GRIN2B: variants seen among roughly 807,000 people sequenced by gnomAD.
GRIN2B encodes the protein glutamate ionotropic receptor NMDA type subunit 2B.
A neutral mutation model predicts 114.5 loss-of-function variants in GRIN2B; 5 were observed. The observed-to-expected ratio is 0.04, with a 90% CI of 0.02 to 0.09. The LOEUF is 0.09. GRIN2B is among the 10% of genes least tolerant of loss of function. The probability of loss-of-function intolerance (pLI) is 1.00; values close to 1 mark genes in which losing one functional copy is unlikely to be tolerated. For synonymous variants in GRIN2B, 787 were observed against 745.1 expected, an observed-to-expected ratio of 1.06 and a Z score of -0.92; for missense variants, 1,108 against 1,943.5, an observed-to-expected ratio of 0.57 and a Z score of 8.08.
Position 13,548,603 on chromosome 12 carries a change from C to T in GRIN2B, c.*14180G>A, listed in dbSNP as rs1008971724. 1.3e-5 allele frequency: 2 copies of T among 151,844 alleles called. No homozygotes were observed. The highest frequency in any genetic ancestry group is 4.8e-5 in the African/African-American group (2 of 41,318). 9.4% of individuals were successfully genotyped at this position (151,844 alleles called of 1,614,324 possible). On this transcript the variant is annotated 3_prime_UTR_variant, in exon 14 of 14. Coordinates refer to ENST00000609686, the MANE Select transcript of GRIN2B (RefSeq NM_000834.5). Reference sequence around the variant, plus strand: ...CCTGTTTTTCAGGATCATCATGATCCAGGTATCTGTAATGACACTCATGAA... The same window carrying T: ...CCTGTTTTTCAGGATCATCATGATCTAGGTATCTGTAATGACACTCATGAA...
chr12:13,829,030 G>A (rs1865102326), intron 3 of GRIN2B, among the ~76,000 whole-genome samples: 1 of 152,028 alleles, frequency 6.6e-6, no homozygotes, highest in Admixed American at 6.6e-5. Context: ...CCATACTGGA[G>A]CCCTTCACCT....
chr12:13,573,571 C>CTTATTCTAT (rs1948734095), intron 10 of GRIN2B, among the ~76,000 whole-genome samples: 1 of 125,572 alleles, frequency 8.0e-6, no homozygotes, highest in Non-Finnish European at 1.8e-5. Context: ...CTCTAAGCTT[C>CTTATTCTAT]TTATTCTATT....
At chr12:13,675,932 A>G in intron 4 of GRIN2B, 73 bp from the exon 5 acceptor site, 1 of 845,674 alleles carries the variant, frequency 1.2e-6, no homozygotes, top group South Asian at 1.4e-5. Flanking sequence ...TCAGGTATAT[A>G]GAGAGAAAGC....
At chr12:13,665,917 C>T in intron 5 of GRIN2B, among the ~76,000 whole-genome samples, 1 of 152,096 alleles carries the variant, frequency 6.6e-6, no homozygotes, top group East Asian at 1.9e-4. Flanking sequence ...TGAATTTTAC[C>T]TCAAAGGGAA....
chr12:13,897,002 C>T (rs2136783175), intron 2 of GRIN2B, among the ~76,000 whole-genome samples: 1 of 152,198 alleles, frequency 6.6e-6, no homozygotes, highest in South Asian at 2.1e-4. Flanking sequence ...ATAATAGATA[C>T]TAGTTATGAT....
At chr12:13,726,876 C>A (rs138357047) in intron 4 of GRIN2B, among the ~76,000 whole-genome samples, 1 of 152,100 alleles carries the variant, frequency 6.6e-6, no homozygotes, top group East Asian at 1.9e-4. Context: ...CCTTTGCATC[C>A]TCATAGCTTA....
intron 3 of GRIN2B, among the ~76,000 whole-genome samples, chr12:13,769,240 C>G (rs1025842249): frequency 1.3e-5 from 2 of 152,070 alleles, no homozygotes; most frequent in African/African-American, 2.4e-5. Flanking sequence ...TGGCCTGAGA[C>G]AGGGGACAGA....
In GRIN2B at chr12:13,566,926, TG is replaced by T; in HGVS notation, c.2598+98del. The T allele has an allele frequency of 1.8e-5, 15 of 838,516 alleles. 1 individual carries two copies. In the Middle Eastern group the frequency reaches 2.5e-3, roughly 142 times the overall value. 51.9% of individuals were successfully genotyped at this position (838,516 alleles called of 1,614,324 possible). Reference sequence around the variant, plus strand: ...GATGTGGTTTCTTGCTTGAGCAACATGGGGGTGGAGATAGTGTCCTCTTGGT... The same window carrying T: ...GATGTGGTTTCTTGCTTGAGCAACATGGGGTGGAGATAGTGTCCTCTTGGT... On this transcript the variant is annotated intron_variant, in intron 13 of 13. Transcript: ENST00000609686.
At chr12:13,834,829 T>C (rs1264583257) in intron 3 of GRIN2B, among the ~76,000 whole-genome samples, 1 of 152,218 alleles carries the variant, frequency 6.6e-6, no homozygotes, top group Non-Finnish European at 1.5e-5. Context: ...TAGAGTCAAC[T>C]GGAGAGCATT....
intron 3 of GRIN2B, among the ~76,000 whole-genome samples, chr12:13,828,833 AT>A (rs1370932406): frequency 6.6e-6 from 1 of 152,220 alleles, no homozygotes; most frequent in Non-Finnish European, 1.5e-5. Context: ...ATCAGATCAT[AT>A]AGTTCCTGCT....
At chr12:13,892,642 G>A (rs1282081133) in intron 2 of GRIN2B, among the ~76,000 whole-genome samples, 1 of 152,202 alleles carries the variant, frequency 6.6e-6, no homozygotes, top group Non-Finnish European at 1.5e-5. Context: ...AGGTGAGGCA[G>A]AGACTGCCAC....
intron 4 of GRIN2B, among the ~76,000 whole-genome samples, chr12:13,709,406 A>T (rs1295021190): frequency 6.6e-6 from 1 of 152,050 alleles, no homozygotes; most frequent in Non-Finnish European, 1.5e-5. Flanking sequence ...TTATAAAAAT[A>T]CTCAAACAAG....
intron 2 of GRIN2B, among the ~76,000 whole-genome samples, chr12:13,971,424 A>G (rs1437469582): frequency 6.6e-6 from 1 of 152,196 alleles, no homozygotes; most frequent in African/African-American, 2.4e-5. Flanking sequence ...CTATTAACCC[A>G]GCCAGCCTAA....
At position 13,753,816 on chromosome 12, in the gene GRIN2B, T is replaced by C. The variant is rs1863532141; in HGVS notation, c.511A>G (p.Ile171Val). ...TAGCCAGGGAAATAGGTGGTGACGA[T>C]AGAAAAGATGTACCAGTCATATTCT... ...MEEYDWYIFS[I>V]VTTYFPGYQD... Residue 171 changes from isoleucine to valine, a missense_variant, in exon 4 of 14, where the codon ATC becomes GTC. By Grantham distance (29) the Ile-to-Val change is conservative. This residue lies in a region of GRIN2B where 199 missense variants were observed against 439.6 expected (regional missense o/e 0.45). Transcript: ENST00000609686. The surrounding 1 kb of genome is among the most constrained non-coding windows in gnomAD (Gnocchi z 6.2). The C allele has an allele frequency of 3.7e-6, 6 of 1,613,440 alleles. No homozygotes were observed. The highest frequency in any genetic ancestry group is 1.7e-5 in the Admixed American group (1 of 59,928).
chr12:13,604,496 T>C (rs1391256969), intron 10 of GRIN2B, among the ~76,000 whole-genome samples: 1 of 152,244 alleles, frequency 6.6e-6, no homozygotes, highest in Non-Finnish European at 1.5e-5. Flanking sequence ...ATATGGAAGA[T>C]ACATCATCTG....
At chr12:13,641,037 AT>A (rs1279266940) in intron 5 of GRIN2B, among the ~76,000 whole-genome samples, 1 of 151,902 alleles carries the variant, frequency 6.6e-6, no homozygotes, top group African/African-American at 2.4e-5. Flanking sequence ...AGAACTCTGA[AT>A]ATAAGCTAAA....
At chr12:13,976,981 A>G (rs540530277) in intron 2 of GRIN2B, among the ~76,000 whole-genome samples, 41 of 152,304 alleles carry the variant, frequency 2.7e-4, no homozygotes, top group African/African-American at 9.6e-4. Flanking sequence ...GTGAATGTAC[A>G]TGAAGGTCAG....
chr12:13,893,712 C>T (rs190253108), intron 2 of GRIN2B, among the ~76,000 whole-genome samples: 1 of 152,018 alleles, frequency 6.6e-6, no homozygotes. Context: ...ATTTGAAAGC[C>T]ATCTACTCAA....
At chr12:13,818,154 T>C (rs1261911162) in intron 3 of GRIN2B, among the ~76,000 whole-genome samples, 2 of 152,228 alleles carry the variant, frequency 1.3e-5, no homozygotes, top group African/African-American at 4.8e-5. Flanking sequence ...CAACCTATGA[T>C]GGCACTAATG....
Sources: gnomAD v4.1 joint callset for allele counts (sites outside exome capture counted in the v4.1 genomes callset) on GRCh38, gnomAD v4.1.1 for gene constraint, gnomAD v4.1.1 regional missense constraint, Gnocchi (gnomAD v3.1) non-coding constraint, MANE v1.5 for transcripts, NCBI Gene and HGNC (gene_info 2026-07-23, HGNC 2026-07-21) for gene names.